The following ESRP1 variants were observed in gnomAD, a reference collection of about 807,000 sequenced individuals.
ESRP1 encodes RNA-binding motif protein 35A.
In ESRP1, 33 loss-of-function variants were observed where a neutral mutation model predicts 81.7. The observed-to-expected ratio is 0.40, with a 90% confidence interval of 0.31 to 0.54. The LOEUF is 0.54. ESRP1 is among the 20% of genes least tolerant of loss of function. The pLI, the probability that ESRP1 is intolerant of heterozygous loss-of-function variation, is 0.41. For missense variants in ESRP1, 672 were observed against 833.1 expected, an observed-to-expected ratio of 0.81 and a Z score of 2.38; for synonymous variants, 320 against 303.3, an observed-to-expected ratio of 1.06 and a Z score of -0.57.
At position 94,694,487 on chromosome 8, in the gene ESRP1, G is replaced by A. The variant is rs145269432; in HGVS notation, c.1971+1660G>A. On this transcript the variant is annotated intron_variant, in intron 14 of 15. Transcript: ENST00000433389. The stretch of plus-strand genomic sequence containing the variant: ...GGCGTGGTGGCATTCGCCTGTAGTC[G>A]CAGCTACTCAGGAGGCTGAGGCAGG... Among the ~76,000 whole-genome samples, 35 of 152,202 alleles carry A rather than the reference G, an allele frequency of 2.3e-4. 1 individual carries two copies. The highest frequency in any genetic ancestry group is 6.8e-3 in the Middle Eastern group (2 of 294).
intron 10 of ESRP1, among the ~76,000 whole-genome samples, chr8:94,668,789 ATG>A (rs71303426): frequency 2.1e-5 from 3 of 143,744 alleles, no homozygotes; most frequent in East Asian, 2.1e-4. Context: ...AGCTTTCAGC[ATG>A]TGTGTGTGTG....
chr8:94,699,293 T>A (rs1290300812), intron 15 of ESRP1, among the ~76,000 whole-genome samples: 1 of 152,144 alleles, frequency 6.6e-6, no homozygotes, highest in Non-Finnish European at 1.5e-5. Context: ...GATGTCTGCA[T>A]CTTTTCATCA....
intron 13 of ESRP1, among the ~76,000 whole-genome samples, chr8:94,681,193 A>G (rs944505933): frequency 1.5e-4 from 23 of 151,582 alleles, no homozygotes; most frequent in African/African-American, 5.3e-4. Context: ...GGGCGTGGTG[A>G]TGGGTGCCTA....
At chr8:94,696,650 C>A (rs920303108) in intron 14 of ESRP1, among the ~76,000 whole-genome samples, 2 of 152,088 alleles carry the variant, frequency 1.3e-5, no homozygotes, top group South Asian at 4.1e-4. Flanking sequence ...TAATGTCCAT[C>A]CTAGAAGGGA....
intron 2 of ESRP1, among the ~76,000 whole-genome samples, chr8:94,642,672 C>G (rs1309031836): frequency 6.6e-6 from 1 of 152,174 alleles, no homozygotes; most frequent in Non-Finnish European, 1.5e-5. Flanking sequence ...CCCGTTGTGT[C>G]ACTGCGGAAC....
intron 11 of ESRP1, among the ~76,000 whole-genome samples, chr8:94,673,519 A>T (rs1214570379): frequency 6.6e-6 from 1 of 152,202 alleles, no homozygotes; most frequent in African/African-American, 2.4e-5. Context: ...CTGTAAGCTG[A>T]TCATGTCTTT....
At chr8:94,671,093 T>C (rs1248375551) in intron 10 of ESRP1, among the ~76,000 whole-genome samples, 1 of 152,212 alleles carries the variant, frequency 6.6e-6, no homozygotes, top group Admixed American at 6.5e-5. Flanking sequence ...CAGAATTGTA[T>C]AAAAGTGGCA....
chr8:94,665,350 C>T (rs1818966419), intron 9 of ESRP1, among the ~76,000 whole-genome samples, 154 bp downstream of exon 9: 1 of 152,138 alleles, frequency 6.6e-6, no homozygotes, highest in South Asian at 2.1e-4. Flanking sequence ...GTAGAAGCTT[C>T]CGATAATAAC....
At chr8:94,669,316 C>A (rs943478796) in intron 10 of ESRP1, among the ~76,000 whole-genome samples, 1 of 152,090 alleles carries the variant, frequency 6.6e-6, no homozygotes, top group Non-Finnish European at 1.5e-5. Context: ...TCATATGATT[C>A]CACAGGTCTG....
rs1463081949 is a variant in ESRP1, at chr8:94,671,650, T to C, written c.1431T>C (p.Val477=). Residue 477 remains valine, a synonymous_variant, in exon 11 of 16, where the codon GTT becomes GTC. Transcript: ENST00000433389. The part of the protein sequence containing the change: ...EFATDIRTHG[V]HMVLNHQGRP... The stretch of plus-strand genomic sequence containing the variant: ...CCACAGATATTCGTACTCATGGGGT[T>C]CACATGGTTTTGAATCACCAGGTAA... The C allele has an allele frequency of 4.3e-6, 7 of 1,613,716 alleles. No homozygotes were observed. In the African/African-American group the frequency reaches 8.0e-5, roughly 18 times the overall value.
chr8:94,678,079 G>A (rs1000387194), intron 12 of ESRP1, 124 bp from the exon 13 acceptor site: 34 of 993,590 alleles, frequency 3.4e-5, no homozygotes, highest in Non-Finnish European at 4.9e-5. Context: ...CTTGGGATAG[G>A]ATAAAGAACT....
At chr8:94,672,926 A>AT (rs11372984) in intron 11 of ESRP1, among the ~76,000 whole-genome samples, 151,285 of 152,242 alleles carry the variant, frequency 0.99, 75,172 homozygotes, top group East Asian at 1. Context: ...AAAATACTGA[A>AT]TTTTTTTCCC....
At position 94,700,886 on chromosome 8, in the gene ESRP1, G is replaced by A. The variant is rs570538211; in HGVS notation, c.*35+3925G>A. Among the ~76,000 whole-genome samples the A allele has an allele frequency of 1.6e-4, 25 of 151,664 alleles. No homozygotes were observed. In the East Asian group the frequency reaches 2.7e-3, roughly 17 times the overall value. Reference sequence around the variant, plus strand: ...AGAGCTTGTAGTGAGCCGAGATCGCGCCACTGCACTCCAGCCTGGGCAACA... The same window carrying A: ...AGAGCTTGTAGTGAGCCGAGATCGCACCACTGCACTCCAGCCTGGGCAACA... On this transcript the variant is annotated intron_variant, in intron 15 of 15. Transcript: ENST00000433389.
chr8:94,655,468 A>T (rs1209038696), intron 4 of ESRP1, among the ~76,000 whole-genome samples: 1 of 148,876 alleles, frequency 6.7e-6, no homozygotes, highest in African/African-American at 2.5e-5. Context: ...TTTCCCCCGC[A>T]TTTTATTGCT....
chr8:94,670,797 AC>A (rs1819278502), intron 10 of ESRP1, among the ~76,000 whole-genome samples: 1 of 152,230 alleles, frequency 6.6e-6, no homozygotes, highest in Non-Finnish European at 1.5e-5. Flanking sequence ...CTTTTGTCTT[AC>A]CACTGTCTCA....
chr8:94,688,914 C>T (rs945348144), intron 13 of ESRP1, among the ~76,000 whole-genome samples: 3 of 152,088 alleles, frequency 2.0e-5, no homozygotes, highest in Non-Finnish European at 4.4e-5. Flanking sequence ...ATAGCTATTG[C>T]ATTGCACCTG....
chr8:94,681,797 G>T (rs1336512520), intron 13 of ESRP1, among the ~76,000 whole-genome samples: 1 of 152,174 alleles, frequency 6.6e-6, no homozygotes, highest in Non-Finnish European at 1.5e-5. Context: ...GCCAGGGCAT[G>T]GTGGTGGGCA....
intron 4 of ESRP1, among the ~76,000 whole-genome samples, chr8:94,649,854 T>C (rs1818030380): frequency 6.6e-6 from 1 of 152,128 alleles, no homozygotes; most frequent in African/African-American, 2.4e-5. Flanking sequence ...TAGAGCAAAA[T>C]TGGGCAGAAA....
intron 4 of ESRP1, among the ~76,000 whole-genome samples, chr8:94,657,041 G>A (rs780955875): frequency 6.6e-6 from 1 of 152,190 alleles, no homozygotes; most frequent in Non-Finnish European, 1.5e-5. Context: ...ACCAGTGGTG[G>A]TCATAAGGAA....
Sources: allele counts gnomAD v4.1 joint callset (sites outside exome capture counted in the v4.1 genomes callset), GRCh38; gene constraint gnomAD v4.1.1; transcripts MANE v1.5; gene names NCBI Gene and HGNC (gene_info 2026-07-23, HGNC 2026-07-21).